The following CFAP54 variants were observed in gnomAD, a reference collection of about 807,000 sequenced individuals.
The protein encoded by CFAP54 is cilia- and flagella-associated protein 54.
CFAP54 carries 290 observed loss-of-function variants against 370.4 expected under a neutral mutation model. The ratio of observed to expected loss-of-function variants is 0.78; its 90% CI spans 0.71 to 0.86. The LOEUF is 0.86. CFAP54 is among the 40% of genes least tolerant of loss of function. CFAP54 has a pLI of 0.00. For missense variants in CFAP54, 3,399 were observed against 3,528.7 expected, an observed-to-expected ratio of 0.96 and a Z score of 0.93; for synonymous variants, 1,206 against 1,236.5, an observed-to-expected ratio of 0.98 and a Z score of 0.52.
At chr12:96,589,320 A>G (rs991129930) in intron 22 of CFAP54, 107 bp from the exon 23 acceptor site, 77 of 907,856 alleles carry the variant, frequency 8.5e-5, no homozygotes, top group South Asian at 2.8e-4. Context: ...TGAGCGTGTG[A>G]TAGCACCTTA....
chr12:96,651,627 A>G lies in CFAP54; in HGVS notation c.4912A>G (p.Asn1638Asp). ...HRGGYWTLLQ[N>D]CCRALWNFTQ... ...TGGTGGCTATTGGACTCTGCTTCAG[A>G]ACTGCTGTCGGGCCTTATGGAACTT... Residue 1638 changes from asparagine to aspartate, a missense_variant, in exon 36 of 68, where the codon AAC becomes GAC. Physicochemically the swap from Asn to Asp is conservative, Grantham distance 23. Coordinates refer to ENST00000524981, the MANE Select transcript of CFAP54 (RefSeq NM_001306084.2). The G allele has an allele frequency of 3.7e-6, 6 of 1,614,170 alleles. No individual in the cohort carries two copies. The highest frequency in any genetic ancestry group is 5.1e-6 in the Non-Finnish European group (6 of 1,180,028).
At chr12:96,799,480 T>A (rs1241642049) in intron 63 of CFAP54, among the ~76,000 whole-genome samples, 1 of 152,230 alleles carries the variant, frequency 6.6e-6, no homozygotes, top group Admixed American at 6.5e-5. Flanking sequence ...ATGTGACCCA[T>A]GTCAAATCAT....
intron 14 of CFAP54, among the ~76,000 whole-genome samples, chr12:96,544,098 TAACTC>T (rs1233455982): frequency 6.6e-6 from 1 of 152,272 alleles, no homozygotes; most frequent in Admixed American, 6.5e-5. Flanking sequence ...CTCCAAAACT[TAACTC>T]TAATAGCCTG....
chr12:96,794,877 G>A (rs1592765876), intron 63 of CFAP54, among the ~76,000 whole-genome samples: 1 of 152,284 alleles, frequency 6.6e-6, no homozygotes, highest in East Asian at 1.9e-4. Context: ...CTAGGTCAGA[G>A]GGAAGATCTG....
intron 50 of CFAP54, among the ~76,000 whole-genome samples, chr12:96,724,616 T>G (rs1040576158): frequency 2.0e-5 from 3 of 152,226 alleles, no homozygotes; most frequent in South Asian, 2.1e-4. Flanking sequence ...TTTCTTCCAT[T>G]TTGTAGGTTG....
At chr12:96,790,105 C>T (rs148623332) in intron 62 of CFAP54, among the ~76,000 whole-genome samples, 26 of 152,146 alleles carry the variant, frequency 1.7e-4, no homozygotes, top group African/African-American at 5.5e-4. Flanking sequence ...TCAAGTCTTT[C>T]GGAGCTTTGT....
chr12:96,593,022 G>A (rs1427692490), intron 24 of CFAP54, among the ~76,000 whole-genome samples: 1 of 151,912 alleles, frequency 6.6e-6, no homozygotes, highest in African/African-American at 2.4e-5. Context: ...TATGAAAATG[G>A]GATTATGATC....
At chr12:96,654,122 A>G (rs1565930055) in intron 36 of CFAP54, among the ~76,000 whole-genome samples, 2 of 152,338 alleles carry the variant, frequency 1.3e-5, no homozygotes, top group South Asian at 4.1e-4. Context: ...TCACATAAAG[A>G]AAATTCCAGA....
At chr12:96,714,325 A>T (rs1326518090) in intron 48 of CFAP54, among the ~76,000 whole-genome samples, 10 of 152,212 alleles carry the variant, frequency 6.6e-5, no homozygotes, top group Admixed American at 5.9e-4. Context: ...CCTGAGAGGA[A>T]CTAACGAGTA....
intron 65 of CFAP54, among the ~76,000 whole-genome samples, chr12:96,820,952 G>A (rs1959025771): frequency 2.6e-5 from 4 of 152,034 alleles, no homozygotes; most frequent in Non-Finnish European, 5.9e-5. Context: ...TTCATATATG[G>A]AAAATGATTA....
At chr12:96,519,260 G>A (rs1188537526) in intron 6 of CFAP54, among the ~76,000 whole-genome samples, 189 bp downstream of exon 6, 5 of 151,938 alleles carry the variant, frequency 3.3e-5, no homozygotes, top group Admixed American at 6.6e-5. Flanking sequence ...CACCATGCCC[G>A]GCTAATTTTT....
chr12:96,646,575 C>T (rs1379128072), intron 33 of CFAP54: 2 of 152,090 alleles, frequency 1.3e-5, no homozygotes, highest in African/African-American at 2.4e-5. Context: ...CTAGAAATAC[C>T]ATTTGACCCA....
intron 45 of CFAP54, among the ~76,000 whole-genome samples, chr12:96,695,032 A>G (rs1272897591): frequency 6.6e-6 from 1 of 152,072 alleles, no homozygotes; most frequent in Non-Finnish European, 1.5e-5. Flanking sequence ...AAAAAAACAA[A>G]AACAAAAAAA....
chr12:96,512,244 C>G (rs1297216764), intron 4 of CFAP54, among the ~76,000 whole-genome samples: 1 of 133,928 alleles, frequency 7.5e-6, no homozygotes, highest in Non-Finnish European at 1.6e-5. Flanking sequence ...GTATTCTGAT[C>G]TTATTTGGAG....
chr12:96,856,962 G>T (rs1185426122), intron 66 of CFAP54, among the ~76,000 whole-genome samples: 1 of 152,204 alleles, frequency 6.6e-6, no homozygotes, highest in Non-Finnish European at 1.5e-5. Flanking sequence ...TCACAGTTCT[G>T]CAGGACTGGG....
chr12:96,509,383 A>C (rs1269098478), intron 4 of CFAP54, among the ~76,000 whole-genome samples: 1 of 152,222 alleles, frequency 6.6e-6, no homozygotes, highest in Non-Finnish European at 1.5e-5. Flanking sequence ...TATTTGACTG[A>C]AAATGTCAAA....
chr12:96,559,227 T>C (rs1027141729), intron 17 of CFAP54, among the ~76,000 whole-genome samples: 2 of 151,972 alleles, frequency 1.3e-5, no homozygotes, highest in Non-Finnish European at 2.9e-5. Flanking sequence ...AAAAAAAATT[T>C]AATTATACAT....
intron 22 of CFAP54, among the ~76,000 whole-genome samples, chr12:96,583,655 C>T (rs542382705): frequency 6.6e-6 from 1 of 152,328 alleles, no homozygotes; most frequent in African/African-American, 2.4e-5. Context: ...GCCAAACCCA[C>T]TGTATCCCTA....
chr12:96,507,656 TA>T (rs2136354493), intron 4 of CFAP54, among the ~76,000 whole-genome samples: 1 of 152,270 alleles, frequency 6.6e-6, no homozygotes, highest in South Asian at 2.1e-4. Flanking sequence ...AGTTGCAACT[TA>T]CTGCATTATT....
Sources: allele counts gnomAD v4.1 joint callset (sites outside exome capture counted in the v4.1 genomes callset), GRCh38; gene constraint gnomAD v4.1.1; transcripts MANE v1.5; gene names NCBI Gene and HGNC (gene_info 2026-07-23, HGNC 2026-07-21).